The following UTY variants were observed in gnomAD, a reference collection of about 807,000 sequenced individuals.
UTY encodes the protein histone demethylase UTY.
Under a neutral mutation model 32.5 loss-of-function variants are expected in UTY, and 12 were observed. That is an observed-to-expected ratio of 0.37 (90% confidence interval 0.24 to 0.60). The LOEUF (loss-of-function observed/expected upper bound fraction) is 0.60. Among genes scored for constraint, UTY ranks in the 20% least tolerant of loss-of-function variants. The pLI is 0.69. For missense variants in UTY, 303 were observed against 299.2 expected, an observed-to-expected ratio of 1.01 and a Z score of -0.09; for synonymous variants, 131 against 103.4, an observed-to-expected ratio of 1.27 and a Z score of -1.62.
At chrY:13,399,771 G>C (rs776973134) in intron 6 of UTY, among the ~76,000 whole-genome samples, 39 of 33,438 alleles carry the variant, frequency 1.2e-3, no homozygotes, top group African/African-American at 4.2e-3. Context: ...CTGACATAAA[G>C]ATTATTTTGA....
At chrY:13,448,965 G>A in intron 4 of UTY, 52 bp downstream of exon 4, 1 of 307,215 alleles carries the variant, frequency 3.3e-6, no homozygotes, top group Non-Finnish European at 4.8e-6. Flanking sequence ...TGTATTTTGA[G>A]TATGATCTGC....
intron 6 of UTY, among the ~76,000 whole-genome samples, chrY:13,406,262 G>A: frequency 3.0e-5 from 1 of 33,124 alleles, no homozygotes; most frequent in Non-Finnish European, 7.6e-5. Flanking sequence ...TTAGAAGGTG[G>A]ATATAGTTAT....
chrY:13,250,536 T>C (rs1010029603), intron 29 of UTY, among the ~76,000 whole-genome samples: 3 of 33,516 alleles, frequency 9.0e-5, no homozygotes, highest in Admixed American at 8.2e-4. Context: ...ACACTGAACA[T>C]ATTTTTCATG....
chrY:13,314,586 T>A, intron 21 of UTY, among the ~76,000 whole-genome samples: 1 of 33,441 alleles, frequency 3.0e-5, no homozygotes. Context: ...GCCAAGACCA[T>A]TGAGCAGGAG....
intron 27 of UTY, among the ~76,000 whole-genome samples, chrY:13,282,821 C>T: frequency 5.8e-5 from 2 of 34,280 alleles, no homozygotes; most frequent in Admixed American, 2.5e-4. Flanking sequence ...GACAGACGGC[C>T]GAGGCAGCCC....
At chrY:13,294,772 C>T (rs1603329719) in intron 27 of UTY, among the ~76,000 whole-genome samples, 1 of 33,769 alleles carries the variant, frequency 3.0e-5, no homozygotes, top group East Asian at 7.7e-4. Flanking sequence ...AAAGAAATAC[C>T]TGAGGCTGGG....
At chrY:13,288,287 C>CAA (rs1256691912) in intron 27 of UTY, among the ~76,000 whole-genome samples, 12 of 19,307 alleles carry the variant, frequency 6.2e-4, no homozygotes, top group African/African-American at 2.5e-3. Context: ...AATAGTACCG[C>CAA]AAAAAAAAAA....
chrY:13,351,805 G>C (rs2149185861), intron 17 of UTY, among the ~76,000 whole-genome samples: 1 of 33,716 alleles, frequency 3.0e-5, no homozygotes, highest in Non-Finnish European at 7.3e-5. Flanking sequence ...TACATGCACA[G>C]ACTAAATTAC....
chrY:13,237,345 G>T (rs1003131515), intron 28 of UTY, among the ~76,000 whole-genome samples: 2 of 33,869 alleles, frequency 5.9e-5, no homozygotes, highest in African/African-American at 1.2e-4. Flanking sequence ...GAACCAAAGT[G>T]AGTAATCATG....
chrY:13,331,809 A>G (rs990176318), intron 18 of UTY, among the ~76,000 whole-genome samples: 3 of 33,518 alleles, frequency 9.0e-5, no homozygotes, highest in Admixed American at 2.7e-4. Flanking sequence ...TGAAAGAAAG[A>G]TATCAGAGAT....
Position 13,449,061 on chromosome Y carries a change from A to G in UTY, c.331T>C (p.Ser111Pro), listed in dbSNP as rs762658796. Residue 111 changes from serine (S) to proline (P), a missense_variant, in exon 4 of 30, where the codon TCT becomes CCT. By Grantham distance (74) the Ser-to-Pro change is moderately conservative (BLOSUM62 -1). Coordinates refer to ENST00000545955, the MANE Select transcript of UTY (RefSeq NM_001258249.2). ...AAACTGTAATATCTCTGATATGCAG[A>G]TAATGCTGGAAAAGAAAAAATAATT... The part of the protein sequence containing the change: ...LLLEDYSKAL[S>P]AYQRYYSLQA... The G allele has an allele frequency of 2.6e-6, 1 of 377,391 alleles. No homozygotes were observed. Among genetic ancestry groups the G allele is most frequent in the South Asian group, 3.3e-5 (1 of 30,461 alleles). 94.1% of individuals were successfully genotyped at this position (377,391 alleles called of 400,897 possible).
intron 21 of UTY, among the ~76,000 whole-genome samples, chrY:13,321,429 T>C (rs2059828199): frequency 6.1e-5 from 2 of 32,980 alleles, no homozygotes; most frequent in African/African-American, 2.4e-4. Context: ...GAAAGGAAAA[T>C]ATCTTGGGTA....
chrY:13,286,817 A>G, intron 27 of UTY: 1 of 364,632 alleles, frequency 2.7e-6, no homozygotes. Flanking sequence ...CTGACAAATT[A>G]TTGGATTCCA....
At chrY:13,279,169 G>C (rs1055360016) in intron 27 of UTY, among the ~76,000 whole-genome samples, 2 of 34,452 alleles carry the variant, frequency 5.8e-5, no homozygotes, top group African/African-American at 2.3e-4. Context: ...AGACCATGAA[G>C]GCAGTAACTC....
chrY:13,324,407 T>C (rs2060060589), intron 20 of UTY, among the ~76,000 whole-genome samples, 194 bp downstream of exon 20: 1 of 33,294 alleles, frequency 3.0e-5, no homozygotes, highest in African/African-American at 1.2e-4. Flanking sequence ...GTATATGATA[T>C]CTATATTATC....
At chrY:13,319,892 T>TA (rs2059712035) in intron 21 of UTY, among the ~76,000 whole-genome samples, 1 of 33,534 alleles carries the variant, frequency 3.0e-5, no homozygotes, top group Non-Finnish European at 7.4e-5. Context: ...ACCTTTTTTT[T>TA]AAAAAAATTA....
intron 8 of UTY, among the ~76,000 whole-genome samples, chrY:13,387,102 G>T: frequency 9.1e-5 from 3 of 32,922 alleles, no homozygotes; most frequent in Non-Finnish European, 2.2e-4. Flanking sequence ...AATTAAACTG[G>T]TCAAAGTAGA....
chrY:13,361,742 T>C lies in UTY; in HGVS notation c.867-1214A>G. ...AACAACCAGATGTGGTACCGAATTA[T>C]AAGCTAACTTAAAGTCAGAGATTTT... is the stretch of plus-strand genomic sequence containing the variant. On this transcript the variant is annotated intron_variant, in intron 10 of 29. Transcript: ENST00000545955. 2.1e-4 allele frequency among the ~76,000 whole-genome samples: 7 copies of C among 33,715 alleles called. No individual in the cohort carries two copies. In the South Asian group the frequency reaches 4.5e-3, roughly 22 times the overall value. The allele number at this position is 33,715 out of a possible 37,273, so 90.5% of individuals were successfully genotyped here.
intron 6 of UTY, among the ~76,000 whole-genome samples, chrY:13,409,580 T>A (rs2070607647): frequency 2.9e-5 from 1 of 33,996 alleles, no homozygotes; most frequent in African/African-American, 1.1e-4. Flanking sequence ...AAGAAAGGTA[T>A]GAATCTTGAC....
Sources: gnomAD v4.1 joint callset for allele counts (sites outside exome capture counted in the v4.1 genomes callset) on GRCh38, gnomAD v4.1.1 for gene constraint, MANE v1.5 for transcripts, NCBI Gene and HGNC (gene_info 2026-07-23, HGNC 2026-07-21) for gene names.